The following C10orf67 variants were observed in gnomAD, a reference collection of about 807,000 sequenced individuals.
C10orf67 encodes the protein chromosome 10 open reading frame 67, also known as uncharacterized protein C10orf67, mitochondrial.
C10orf67 carries 60 observed loss-of-function variants against 35.6 expected under a neutral mutation model. That is an observed-to-expected ratio of 1.68 (90% CI 1.37 to 2.09). The LOEUF (loss-of-function observed/expected upper bound fraction) is 2.09, where lower values mean the gene tolerates loss of function less well. Among genes scored for constraint, C10orf67 ranks in the 30% most tolerant of loss-of-function variants. C10orf67 has a pLI of 0.00. For synonymous variants in C10orf67, 167 were observed against 115.8 expected (o/e 1.44, Z -2.84); for missense variants, 474 against 330.2 (o/e 1.44, Z -3.38).
intron 8 of C10orf67, among the ~76,000 whole-genome samples, chr10:23,271,665 A>T (rs892478497): frequency 2.0e-5 from 3 of 152,208 alleles, no homozygotes; most frequent in Non-Finnish European, 2.9e-5. Flanking sequence ...GTATCTCCCT[A>T]AAGACTAATG....
chr10:23,283,240 T>C (rs1394591542), intron 7 of C10orf67, among the ~76,000 whole-genome samples: 1 of 152,172 alleles, frequency 6.6e-6, no homozygotes, highest in Non-Finnish European at 1.5e-5. Context: ...AAAAACCCCA[T>C]TCACTGCAGG....
rs534122854 is a variant in C10orf67, at chr10:23,251,104, T to A, written c.1201-413A>T. Among the ~76,000 whole-genome samples the A allele has an allele frequency of 2.5e-4, 38 of 151,234 alleles. No homozygotes were observed. In the South Asian group the frequency reaches 4.8e-3, roughly 19 times the overall value. On this transcript the variant is annotated intron_variant, in intron 10 of 15. Coordinates refer to ENST00000636213, the MANE Select transcript of C10orf67 (RefSeq NM_001371909.1). ...AGAACGAGACCCTGTCTCAAAAAAA[T>A]TTTTTTTTCGAGAGAACAATGAGTT...
intron 8 of C10orf67, among the ~76,000 whole-genome samples, chr10:23,277,180 A>G (rs1588642748): frequency 1.3e-5 from 2 of 152,190 alleles, no homozygotes; most frequent in Non-Finnish European, 2.9e-5. Context: ...AAGCTACGTG[A>G]TATTTATCAT....
chr10:23,239,606 C>G (rs1842128910), intron 13 of C10orf67, 123 bp downstream of exon 13: 2 of 474,386 alleles, frequency 4.2e-6, no homozygotes, highest in Non-Finnish European at 7.9e-6. Context: ...CTAGCAGTGA[C>G]TGCCTTGTAC....
intron 13 of C10orf67, among the ~76,000 whole-genome samples, chr10:23,235,012 C>CAAAAAAAAAAAAAAAAAAAAGCAAA (rs1842010934): frequency 1.3e-5 from 1 of 76,028 alleles, no homozygotes; most frequent in Non-Finnish European, 2.6e-5. Context: ...AATTCCATCT[C>CAAAAAAAAAAAAAAAAAAAAGCAAA]AAAAAAAAAA....
At chr10:23,292,473 C>CTTTTTACAGTA (rs1266652175) in intron 5 of C10orf67, among the ~76,000 whole-genome samples, 1 of 152,080 alleles carries the variant, frequency 6.6e-6, no homozygotes, top group African/African-American at 2.4e-5. Context: ...ATAACTTATT[C>CTTTTTACAGTA]TTTTTACAGT....
intron 4 of C10orf67, among the ~76,000 whole-genome samples, chr10:23,305,864 T>C (rs1180221978): frequency 1.3e-5 from 2 of 152,136 alleles, no homozygotes; most frequent in Non-Finnish European, 2.9e-5. Context: ...ATCTTAAAGA[T>C]ATTTGCATTC....
chr10:23,291,164 A>G lies in C10orf67; in HGVS notation c.818T>C (p.Ile273Thr). The change falls in exon 6 of 16, where the codon ATC becomes ACC. Residue 273 changes from isoleucine to threonine, a missense_variant. By Grantham distance (89) the Ile-to-Thr change is moderately conservative (BLOSUM62 -1). Transcript: ENST00000636213. ...LQIISELEEEIQINLKENSGL... is the reference protein window; with the variant it reads ...LQIISELEEETQINLKENSGL... ...TGAATTTTCTTTTAGATTGATCTGG[A>G]TTTCTTCTTCAAGCTCTGAAATGAT... The G allele has an allele frequency of 1.4e-6, 1 of 714,896 alleles. No individual in the cohort carries two copies. The highest frequency in any genetic ancestry group is 1.5e-5 in the South Asian group (1 of 66,488). 44.3% of individuals were successfully genotyped at this position (714,896 alleles called of 1,614,324 possible). A position where few individuals can be genotyped will look rare whatever the true frequency, so the allele number is the denominator to read the frequency against.
intron 15 of C10orf67, among the ~76,000 whole-genome samples, chr10:23,205,579 C>T (rs1168457881): frequency 2.0e-5 from 3 of 152,132 alleles, no homozygotes; most frequent in African/African-American, 7.2e-5. Context: ...TGGAAACTTG[C>T]TAGAGTTAAG....
At chr10:23,281,814 T>G (rs1843375168) in intron 8 of C10orf67, among the ~76,000 whole-genome samples, 199 bp downstream of exon 8, 1 of 152,204 alleles carries the variant, frequency 6.6e-6, no homozygotes, top group Non-Finnish European at 1.5e-5. Context: ...AGTAAGCATA[T>G]TTATTGCTGT....
intron 1 of C10orf67, among the ~76,000 whole-genome samples, chr10:23,342,301 C>T (rs1334202939): frequency 1.3e-5 from 2 of 152,208 alleles, no homozygotes; most frequent in East Asian, 1.9e-4. Flanking sequence ...TTCCTTATCA[C>T]TAACCACTAT....
rs750603263 is a variant in C10orf67 at position 23,333,029 on chromosome 10, A to G, written c.327+33T>C. ...ATGAAGGCAATTAACGCCAAAAATT[A>G]TCTCAGAAGTTTCAGAACAAATTCA... On this transcript the variant is annotated intron_variant, in intron 2 of 15. Transcript: ENST00000636213. 2.4e-5 allele frequency: 38 copies of G among 1,597,674 alleles called. No homozygotes were observed. The South Asian group carries it at 4.1e-4, about 17-fold the overall frequency.
intron 4 of C10orf67, chr10:23,316,899 A>G (rs1242369393): frequency 6.6e-6 from 1 of 152,302 alleles, no homozygotes; most frequent in Non-Finnish European, 1.5e-5. Context: ...GTCAATGGGC[A>G]GCCATAGGTG....
At chr10:23,342,776 G>A (rs1246427442) in intron 1 of C10orf67, among the ~76,000 whole-genome samples, 3 of 152,220 alleles carry the variant, frequency 2.0e-5, no homozygotes. Flanking sequence ...TGAATACAGT[G>A]AAGCTGGGGA....
chr10:23,278,492 T>C (rs1288735121), intron 8 of C10orf67, among the ~76,000 whole-genome samples: 1 of 152,208 alleles, frequency 6.6e-6, no homozygotes, highest in African/African-American at 2.4e-5. Context: ...ATCTACTCCA[T>C]GAGGGCCACC....
At chr10:23,323,952 T>TACACAC (rs747699026) in intron 2 of C10orf67, among the ~76,000 whole-genome samples, 2,801 of 64,114 alleles carry the variant, frequency 0.044, 457 homozygotes, top group African/African-American at 0.064. Context: ...TATATATATA[T>TACACAC]ACACACACAC....
At chr10:23,226,771 C>A (rs1008403209) in intron 13 of C10orf67, among the ~76,000 whole-genome samples, 2 of 152,064 alleles carry the variant, frequency 1.3e-5, no homozygotes, top group African/African-American at 4.8e-5. Context: ...ACCACCGATC[C>A]CACAGAAACA....
chr10:23,316,563 T>G (rs1767538098), intron 4 of C10orf67, among the ~76,000 whole-genome samples: 1 of 152,122 alleles, frequency 6.6e-6, no homozygotes, highest in African/African-American at 2.4e-5. Context: ...GCAGGAAGAA[T>G]GAGATATGCA....
chr10:23,261,983 T>G (rs753816339), intron 10 of C10orf67, among the ~76,000 whole-genome samples: 3 of 152,090 alleles, frequency 2.0e-5, no homozygotes, highest in African/African-American at 2.4e-5. Flanking sequence ...TTCCCAGGGT[T>G]TGAGGAGAAA....
Sources: allele counts gnomAD v4.1 joint callset (sites outside exome capture counted in the v4.1 genomes callset), GRCh38; gene constraint gnomAD v4.1.1; transcripts MANE v1.5; gene names NCBI Gene and HGNC (gene_info 2026-07-23, HGNC 2026-07-21).